Variants in ROBO1 observed in about 807,000 individuals in gnomAD.
ROBO1 encodes roundabout homolog 1.
In ROBO1, 149 loss-of-function variants were observed where a neutral mutation model predicts 195.9. The observed-to-expected ratio is 0.76, with a 90% confidence interval of 0.67 to 0.87. The LOEUF (loss-of-function observed/expected upper bound fraction) is 0.87, where lower values mean the gene tolerates loss of function less well. Among genes scored for constraint, ROBO1 ranks in the 40% least tolerant of loss-of-function variants. The probability of loss-of-function intolerance (pLI) is 0.00; values close to 1 mark genes in which losing one functional copy is unlikely to be tolerated. For missense variants in ROBO1, 1,933 were observed against 2,068.3 expected, an observed-to-expected ratio of 0.93 and a Z score of 1.27; for synonymous variants, 816 against 733.2, an observed-to-expected ratio of 1.11 and a Z score of -1.82.
intron 11 of ROBO1, 51 bp from the exon 12 acceptor site, chr3:78,668,616 G>T: frequency 6.4e-7 from 1 of 1,556,144 alleles, no homozygotes; most frequent in Non-Finnish European, 8.8e-7. Context: ...GAACTCACTG[G>T]GCTGGAAAAG....
chr3:78,694,495 C>T (rs191765144), intron 8 of ROBO1, among the ~76,000 whole-genome samples: 7 of 152,256 alleles, frequency 4.6e-5, no homozygotes, highest in East Asian at 3.9e-4. Flanking sequence ...TTAATTCATA[C>T]GTTCCCTTCA....
chr3:78,668,052 A>G lies in ROBO1; in HGVS notation c.1800-3T>C, dbSNP rs1215803610. On this transcript the variant is annotated splice_polypyrimidine_tract_variant and splice_region_variant and intron_variant, in intron 13 of 30. Coordinates refer to ENST00000464233, the MANE Select transcript of ROBO1 (RefSeq NM_002941.4). ...GCCAGCTGCTACCAGATGCATGGCT[A>G]AGGATAGACACACAGGTTAGAACAT... 6.2e-7 allele frequency: 1 copy of G among 1,613,346 alleles called. No individual in the cohort carries two copies. Among genetic ancestry groups the G allele is most frequent in the Non-Finnish European group, 8.5e-7 (1 of 1,179,596 alleles).
chr3:78,971,746 T>G (rs1162187063), intron 3 of ROBO1, among the ~76,000 whole-genome samples: 1 of 151,550 alleles, frequency 6.6e-6, no homozygotes, highest in Non-Finnish European at 1.5e-5. Context: ...TAAATATTTT[T>G]TTTGTTGTTG....
intron 2 of ROBO1, among the ~76,000 whole-genome samples, chr3:79,560,558 T>TATATATATATATATATATATATATAC (rs5850439): frequency 9.0e-4 from 116 of 129,518 alleles, no homozygotes; most frequent in Middle Eastern, 4.1e-3. Flanking sequence ...TATATATATA[T>TATATATATATATATATATATATATAC]ACACATACAC....
chr3:79,733,320 C>T (rs1338132342), intron 1 of ROBO1, among the ~76,000 whole-genome samples: 3 of 152,086 alleles, frequency 2.0e-5, no homozygotes, highest in Non-Finnish European at 4.4e-5. Flanking sequence ...ATCTTATTTC[C>T]ATTGTTAGTG....
At chr3:79,757,503 C>CCATATATATATATA (rs369407395) in intron 1 of ROBO1, among the ~76,000 whole-genome samples, 2 of 145,228 alleles carry the variant, frequency 1.4e-5, no homozygotes, top group African/African-American at 5.6e-5. Flanking sequence ...CTCTCTCTCT[C>CCATATATATATATA]TCTCTCCATA....
chr3:78,738,881 T>C (rs771638749), intron 5 of ROBO1, among the ~76,000 whole-genome samples: 2 of 152,232 alleles, frequency 1.3e-5, no homozygotes, highest in Non-Finnish European at 2.9e-5. Context: ...TAGTTACTGA[T>C]TGGATAACAG....
At position 79,345,173 on chromosome 3, in the gene ROBO1, A is replaced by T. The variant is rs563943187; in HGVS notation, c.89-219634T>A. On this transcript the variant is annotated intron_variant, in intron 2 of 30. Coordinates refer to ENST00000464233, the MANE Select transcript of ROBO1 (RefSeq NM_002941.4). ...CTAGAAATGTTTACTTATTCTTTCA[A>T]CTGGGTACATTTCAGTGTATTTGAA... 2.6e-5 allele frequency among the ~76,000 whole-genome samples: 4 copies of T among 152,330 alleles called. No individual in the cohort carries two copies. The East Asian group carries it at 7.7e-4, about 29-fold the overall frequency.
chr3:79,089,396 A>G (rs2079435243), intron 3 of ROBO1, among the ~76,000 whole-genome samples: 1 of 152,134 alleles, frequency 6.6e-6, no homozygotes, highest in Non-Finnish European at 1.5e-5. Flanking sequence ...TTAATAGCCG[A>G]CTAGTCAATT....
intron 5 of ROBO1, among the ~76,000 whole-genome samples, chr3:78,723,684 C>T (rs568660256): frequency 3.3e-5 from 5 of 151,744 alleles, no homozygotes; most frequent in East Asian, 1.9e-4. Context: ...GTGTGGGGGG[C>T]GATGCTACTG....
rs1329455072 is a variant in ROBO1, at chr3:78,705,507, C to T, written c.1045+8890G>A. ...CTAGGATTCAACAACTGGTGTGTATCAGGATGAGCACTTAATTCACTCACA... is the reference window on the plus strand; with the variant it reads ...CTAGGATTCAACAACTGGTGTGTATTAGGATGAGCACTTAATTCACTCACA... On this transcript the variant is annotated intron_variant, in intron 8 of 30. Coordinates refer to ENST00000464233, the MANE Select transcript of ROBO1 (RefSeq NM_002941.4). Among the ~76,000 whole-genome samples, 4 of 152,224 alleles carry T rather than the reference C, an allele frequency of 2.6e-5. No homozygotes were observed. The East Asian group carries it at 7.7e-4, about 29-fold the overall frequency.
At chr3:79,659,130 G>A (rs889625551) in intron 1 of ROBO1, among the ~76,000 whole-genome samples, 29 of 152,082 alleles carry the variant, frequency 1.9e-4, no homozygotes, top group Admixed American at 1.1e-3. Context: ...ACATATCAAA[G>A]CTTCCATTGT....
chr3:79,351,442 A>C (rs1053759362), intron 2 of ROBO1, among the ~76,000 whole-genome samples: 4 of 152,124 alleles, frequency 2.6e-5, no homozygotes, highest in African/African-American at 9.7e-5. Context: ...AGTAGCCCAC[A>C]CGTTTCTGGC....
intron 1 of ROBO1, among the ~76,000 whole-genome samples, chr3:79,615,385 A>G (rs540880687): frequency 7.2e-4 from 109 of 152,274 alleles, no homozygotes; most frequent in African/African-American, 2.5e-3. Flanking sequence ...CACAACGTAC[A>G]TGTATTGATT....
At chr3:79,440,995 T>A (rs964765029) in intron 2 of ROBO1, among the ~76,000 whole-genome samples, 7 of 152,168 alleles carry the variant, frequency 4.6e-5, no homozygotes, top group Admixed American at 1.3e-4. Flanking sequence ...AATATCAAGT[T>A]AAAGTTTGAC....
intron 2 of ROBO1, among the ~76,000 whole-genome samples, chr3:79,517,145 ACCT>A (rs916519920): frequency 1.3e-5 from 2 of 152,018 alleles, no homozygotes; most frequent in Non-Finnish European, 2.9e-5. Context: ...TATTTTCCTA[ACCT>A]CCTTTCGATT....
intron 1 of ROBO1, among the ~76,000 whole-genome samples, chr3:79,683,145 C>A (rs547994578): frequency 1.3e-5 from 2 of 151,810 alleles, no homozygotes; most frequent in Non-Finnish European, 2.9e-5. Flanking sequence ...ACCCTGCAAA[C>A]CCCTGCATTT....
intron 30 of ROBO1, 132 bp downstream of exon 30, chr3:78,599,981 G>T: frequency 1.3e-6 from 1 of 762,850 alleles, no homozygotes; most frequent in Non-Finnish European, 2.3e-6. Context: ...TTCAGTTTCT[G>T]CCATCATAGA....
intron 3 of ROBO1, among the ~76,000 whole-genome samples, chr3:79,049,233 G>A (rs368546885): frequency 4.6e-5 from 7 of 152,220 alleles, no homozygotes; most frequent in South Asian, 2.1e-4. Flanking sequence ...ACCACAGCAC[G>A]AGAACTTCAT....
Sources: allele counts gnomAD v4.1 joint callset (sites outside exome capture counted in the v4.1 genomes callset), GRCh38; gene constraint gnomAD v4.1.1; transcripts MANE v1.5; gene names NCBI Gene and HGNC (gene_info 2026-07-23, HGNC 2026-07-21).